VCL: variants seen among roughly 807,000 people sequenced by gnomAD.
VCL encodes the protein epididymis luminal protein 114.
VCL carries 47 observed loss-of-function variants against 125.7 expected under a neutral mutation model. The ratio of observed to expected loss-of-function variants is 0.37; its 90% confidence interval spans 0.30 to 0.48. The LOEUF (loss-of-function observed/expected upper bound fraction) is 0.48, where lower values mean the gene tolerates loss of function less well. Ranked by LOEUF, VCL falls within the 20% of genes least tolerant of loss-of-function variation. The probability of loss-of-function intolerance (pLI) is 0.99; values close to 1 mark genes in which losing one functional copy is unlikely to be tolerated. For missense variants in VCL, 1,069 were observed against 1,455.5 expected (o/e 0.73, Z 4.32); for synonymous variants, 458 against 514.6 (o/e 0.89, Z 1.49).
chr10:74,010,087 C>A (rs1840404117), intron 1 of VCL, among the ~76,000 whole-genome samples: 1 of 151,902 alleles, frequency 6.6e-6, no homozygotes, highest in African/African-American at 2.4e-5. Context: ...ACACACCCAG[C>A]TAATTTTTTG....
At chr10:74,028,949 G>C (rs774861115) in intron 1 of VCL, among the ~76,000 whole-genome samples, 25 of 152,170 alleles carry the variant, frequency 1.6e-4, no homozygotes, top group Admixed American at 4.6e-4. Context: ...CCCTGGAGTA[G>C]TTGGGACTAC....
chr10:74,115,000 G>C, intron 21 of VCL, 101 bp downstream of exon 21: 1 of 1,105,578 alleles, frequency 9.0e-7, no homozygotes, highest in Non-Finnish European at 1.3e-6. Flanking sequence ...ATTGAGTATC[G>C]AGTATTCAGT....
At chr10:74,035,286 ATC>A (rs1348181205) in intron 1 of VCL, among the ~76,000 whole-genome samples, 10 of 151,286 alleles carry the variant, frequency 6.6e-5, no homozygotes, top group African/African-American at 2.4e-4. Flanking sequence ...AAGAAACCAA[ATC>A]TCTCTACATT....
intron 7 of VCL, among the ~76,000 whole-genome samples, 179 bp downstream of exon 7, chr10:74,082,723 G>A (rs1395358055): frequency 6.6e-6 from 1 of 152,242 alleles, no homozygotes; most frequent in African/African-American, 2.4e-5. Flanking sequence ...TTACAAGGAT[G>A]AAGGGAATAG....
At chr10:74,008,482 A>C (rs1840359924) in intron 1 of VCL, among the ~76,000 whole-genome samples, 2 of 152,198 alleles carry the variant, frequency 1.3e-5, no homozygotes. Context: ...GCCTTTTTAA[A>C]ATTTAATGAT....
At chr10:74,114,740 G>T in intron 20 of VCL, 55 bp from the exon 21 acceptor site, 1 of 1,540,608 alleles carries the variant, frequency 6.5e-7, no homozygotes, top group South Asian at 1.2e-5. Flanking sequence ...TTGCCTTCAA[G>T]GAGCTTGTGG....
At position 74,070,599 on chromosome 10, in the gene VCL, C is replaced by T. The variant is rs542938736; in HGVS notation, c.240-71C>T. On this transcript the variant is annotated intron_variant, in intron 2 of 21. Transcript: ENST00000211998. ...AACTGTGAATTTACATGCATATTCT[C>T]TCTTTGTATTTGCATATGGTATTCT... is the stretch of plus-strand genomic sequence containing the variant. 2.4e-5 allele frequency: 39 copies of T among 1,594,804 alleles called. No individual in the cohort carries two copies. In the East Asian group the frequency reaches 8.0e-4, roughly 33 times the overall value.
At chr10:74,042,897 C>T (rs1171205237) in intron 1 of VCL, among the ~76,000 whole-genome samples, 186 bp from the exon 2 acceptor site, 1 of 152,030 alleles carries the variant, frequency 6.6e-6, no homozygotes, top group East Asian at 1.9e-4. Context: ...TATTGTTATT[C>T]TAGTATATTG....
chr10:74,054,466 T>C (rs1841360438), intron 2 of VCL, among the ~76,000 whole-genome samples: 1 of 152,220 alleles, frequency 6.6e-6, no homozygotes, highest in Admixed American at 6.5e-5. Flanking sequence ...ATCTACATCC[T>C]AGTTTTTGCC....
At chr10:74,034,129 T>A (rs1840930967) in intron 1 of VCL, among the ~76,000 whole-genome samples, 1 of 152,224 alleles carries the variant, frequency 6.6e-6, no homozygotes, top group East Asian at 1.9e-4. Context: ...GTCTTCCGAG[T>A]TTTCTTCGCT....
chr10:74,078,323 A>C (rs1427135495), intron 6 of VCL, among the ~76,000 whole-genome samples: 1 of 152,164 alleles, frequency 6.6e-6, no homozygotes, highest in Non-Finnish European at 1.5e-5. Flanking sequence ...AAGATTAGCA[A>C]ACTTAACTAA....
chr10:74,100,625 T>C (rs1186562203), intron 13 of VCL, among the ~76,000 whole-genome samples: 6 of 152,178 alleles, frequency 3.9e-5, no homozygotes, highest in Non-Finnish European at 8.8e-5. Context: ...TTGTTTAGTC[T>C]TCACATTCAG....
At chr10:74,089,886 A>T in intron 9 of VCL, 137 bp from the exon 10 acceptor site, 1 of 1,004,798 alleles carries the variant, frequency 1.0e-6, no homozygotes. Context: ...GAACCTCCAT[A>T]CAATAATAAA....
intron 2 of VCL, among the ~76,000 whole-genome samples, chr10:74,052,944 AAAAT>A (rs200859155): frequency 1.1e-3 from 141 of 130,220 alleles, no homozygotes; most frequent in African/African-American, 4.1e-3. Context: ...ATGAAAAAAA[AAAAT>A]ATATATATAT....
At chr10:74,057,146 C>T (rs1455463005) in intron 2 of VCL, among the ~76,000 whole-genome samples, 1 of 151,918 alleles carries the variant, frequency 6.6e-6, no homozygotes, top group Admixed American at 6.6e-5. Flanking sequence ...GGTCTCGCTA[C>T]GTAGTCTAGG....
chr10:74,043,857 C>T (rs936029326), intron 2 of VCL, among the ~76,000 whole-genome samples: 1 of 151,880 alleles, frequency 6.6e-6, no homozygotes, highest in Admixed American at 6.6e-5. Context: ...CCTGTCATCC[C>T]AGCACTTTGG....
At chr10:74,055,091 G>A (rs989959634) in intron 2 of VCL, among the ~76,000 whole-genome samples, 1 of 152,054 alleles carries the variant, frequency 6.6e-6, no homozygotes, top group African/African-American at 2.4e-5. Flanking sequence ...CTTGAGGTCA[G>A]GAGTTCAAGA....
chr10:74,001,247 G>A (rs149623716), intron 1 of VCL, among the ~76,000 whole-genome samples: 7 of 152,196 alleles, frequency 4.6e-5, no homozygotes, highest in African/African-American at 1.4e-4. Context: ...AACTGTGACC[G>A]TTAAATATGT....
chr10:74,105,686 A>G (rs923089908), intron 16 of VCL, among the ~76,000 whole-genome samples: 1 of 152,122 alleles, frequency 6.6e-6, no homozygotes, highest in African/African-American at 2.4e-5. Flanking sequence ...CCTCCCGAGT[A>G]GCTGGGATTA....
Sources: allele counts gnomAD v4.1 joint callset (sites outside exome capture counted in the v4.1 genomes callset), GRCh38; gene constraint gnomAD v4.1.1; transcripts MANE v1.5; gene names NCBI Gene and HGNC (gene_info 2026-07-23, HGNC 2026-07-21).